The following CDH13 variants were observed in gnomAD, a reference collection of about 807,000 sequenced individuals.
The protein encoded by CDH13 is cadherin 13.
Under a neutral mutation model 63.8 loss-of-function variants are expected in CDH13, and 24 were observed. The ratio of observed to expected loss-of-function variants is 0.38; its 90% CI spans 0.27 to 0.53. The LOEUF is 0.53. Ranked by LOEUF, CDH13 falls within the 20% of genes least tolerant of loss-of-function variation. The pLI, the probability that CDH13 is intolerant of heterozygous loss-of-function variation, is 0.85. For synonymous variants in CDH13, 503 were observed against 355.3 expected, an observed-to-expected ratio of 1.42 and a Z score of -4.67; for missense variants, 1,049 against 903.1, an observed-to-expected ratio of 1.16 and a Z score of -2.07.
chr16:83,418,689 A>C (rs1004202220), intron 6 of CDH13, among the ~76,000 whole-genome samples: 4 of 146,828 alleles, frequency 2.7e-5, no homozygotes, highest in Non-Finnish European at 6.0e-5. Context: ...TAGTTTTAGC[A>C]AAGAGAGAGA....
chr16:83,237,062 G>A (rs1042425976), intron 5 of CDH13, among the ~76,000 whole-genome samples: 1 of 152,140 alleles, frequency 6.6e-6, no homozygotes, highest in Non-Finnish European at 1.5e-5. Context: ...GGGCAGAGGG[G>A]ACAAGGCAGA....
chr16:83,562,923 G>C (rs2075733529), intron 7 of CDH13, among the ~76,000 whole-genome samples: 1 of 152,192 alleles, frequency 6.6e-6, no homozygotes, highest in African/African-American at 2.4e-5. Context: ...AGAGGGACGA[G>C]GACCTGGATT....
chr16:82,952,897 C>T (rs185470526), intron 2 of CDH13, among the ~76,000 whole-genome samples: 1 of 152,270 alleles, frequency 6.6e-6, no homozygotes, highest in East Asian at 1.9e-4. Flanking sequence ...AGCTGGAAAC[C>T]AGAAGACAAG....
At position 83,752,873 on chromosome 16, in the gene CDH13, G is replaced by A. The variant is rs184698142; in HGVS notation, c.1681+4623G>A. Among the ~76,000 whole-genome samples, 4 of 152,324 alleles carry A rather than the reference G, an allele frequency of 2.6e-5. No homozygotes were observed. In the East Asian group the frequency reaches 7.7e-4, roughly 29 times the overall value. On this transcript the variant is annotated intron_variant, in intron 11 of 13. Coordinates refer to ENST00000567109, the MANE Select transcript of CDH13 (RefSeq NM_001257.5). ...TAATCCCACCCAGGTGGGGGTTTCA[G>A]AAAGGAAAGAATAGAGCCAGGAATG...
chr16:83,745,591 T>C (rs1370468824), intron 10 of CDH13, among the ~76,000 whole-genome samples: 1 of 152,260 alleles, frequency 6.6e-6, no homozygotes, highest in South Asian at 2.1e-4. Flanking sequence ...ACTGCATAGA[T>C]GCCCATTCCC....
At chr16:83,379,828 G>A (rs940585707) in intron 6 of CDH13, among the ~76,000 whole-genome samples, 4 of 151,028 alleles carry the variant, frequency 2.6e-5, no homozygotes, top group African/African-American at 9.8e-5. Flanking sequence ...TCAAAGGAAT[G>A]AACGAAATAT....
intron 2 of CDH13, among the ~76,000 whole-genome samples, chr16:83,000,565 TTCTTTTC>T (rs916659914): frequency 5.5e-5 from 8 of 144,536 alleles, no homozygotes; most frequent in African/African-American, 1.8e-4. Context: ...TGTCTCTTTT[TTCTTTTC>T]TCTTTTTTTT....
chr16:83,365,663 A>G (rs1238817204), intron 6 of CDH13, among the ~76,000 whole-genome samples: 1 of 152,204 alleles, frequency 6.6e-6, no homozygotes, highest in African/African-American at 2.4e-5. Flanking sequence ...AGGTGGACCC[A>G]GGTAATCACA....
chr16:83,119,076 C>T (rs912372810), intron 3 of CDH13, among the ~76,000 whole-genome samples: 6 of 152,162 alleles, frequency 3.9e-5, no homozygotes, highest in African/African-American at 1.2e-4. Flanking sequence ...TAAATTCAGC[C>T]GTCATCTGTT....
chr16:83,536,535 A>T (rs1041103143), intron 7 of CDH13, among the ~76,000 whole-genome samples: 3 of 152,160 alleles, frequency 2.0e-5, no homozygotes, highest in Non-Finnish European at 2.9e-5. Context: ...TGGAGAGGCC[A>T]CCAAGAGCTG....
chr16:82,965,733 T>C (rs1907705169), intron 2 of CDH13, among the ~76,000 whole-genome samples: 1 of 152,192 alleles, frequency 6.6e-6, no homozygotes, highest in African/African-American at 2.4e-5. Flanking sequence ...CCTCAAGTGA[T>C]CTGCCAGCCT....
At chr16:83,368,574 A>G (rs2091297767) in intron 6 of CDH13, among the ~76,000 whole-genome samples, 1 of 151,622 alleles carries the variant, frequency 6.6e-6, no homozygotes, top group Non-Finnish European at 1.5e-5. Context: ...TGGTTACATG[A>G]GTAAGTTCTT....
At chr16:83,523,631 T>A (rs72791467) in intron 7 of CDH13, among the ~76,000 whole-genome samples, 4,172 of 152,292 alleles carry the variant, frequency 0.027, 85 homozygotes, top group Non-Finnish European at 0.037. Flanking sequence ...CTCCCTTGCT[T>A]CATGGTAGAC....
At chr16:83,200,061 G>A (rs936947983) in intron 4 of CDH13, among the ~76,000 whole-genome samples, 2 of 152,142 alleles carry the variant, frequency 1.3e-5, no homozygotes, top group Admixed American at 6.6e-5. Context: ...CCTGGACAGC[G>A]CCTCATTCCT....
chr16:83,018,724 T>G (rs987138984), intron 2 of CDH13, among the ~76,000 whole-genome samples: 2 of 152,230 alleles, frequency 1.3e-5, no homozygotes, highest in African/African-American at 2.4e-5. Context: ...GTATAGCCTA[T>G]TACACACCTA....
intron 5 of CDH13, among the ~76,000 whole-genome samples, chr16:83,240,484 A>G (rs979670228): frequency 6.6e-6 from 1 of 151,888 alleles, no homozygotes; most frequent in Non-Finnish European, 1.5e-5. Context: ...GAAAGAGGAG[A>G]ACTTGGATTA....
intron 10 of CDH13, among the ~76,000 whole-genome samples, chr16:83,724,408 T>TGAATGCATAGGTGAGTGAG (rs1910121451): frequency 7.3e-6 from 1 of 137,448 alleles, no homozygotes; most frequent in Admixed American, 7.4e-5. Context: ...GGGTGAGTGA[T>TGAATGCATAGGTGAGTGAG]GAATGCATAG....
intron 6 of CDH13, among the ~76,000 whole-genome samples, chr16:83,379,579 A>C (rs1000364184): frequency 6.6e-6 from 1 of 152,184 alleles, no homozygotes; most frequent in Admixed American, 6.5e-5. Context: ...CAACTTGATC[A>C]TGAGAAGGTT....
intron 3 of CDH13, among the ~76,000 whole-genome samples, chr16:83,049,598 G>C (rs564047596): frequency 1.1e-4 from 17 of 152,180 alleles, no homozygotes; most frequent in African/African-American, 4.1e-4. Flanking sequence ...GCCTCCCAGA[G>C]TGCTGGGATT....
Sources: gnomAD v4.1 joint callset for allele counts (sites outside exome capture counted in the v4.1 genomes callset) on GRCh38, gnomAD v4.1.1 for gene constraint, MANE v1.5 for transcripts, NCBI Gene and HGNC (gene_info 2026-07-23, HGNC 2026-07-21) for gene names.